The following TBXAS1 variants were observed in gnomAD, a reference collection of about 807,000 sequenced individuals.
TBXAS1 encodes the protein thromboxane A synthase 1, also known as thromboxane-A synthase.
TBXAS1 carries 48 observed loss-of-function variants against 60.7 expected under a neutral mutation model. The observed-to-expected ratio is 0.79, with a 90% confidence interval of 0.63 to 1.01. TBXAS1 has a LOEUF of 1.01. TBXAS1 is among the 50% of genes least tolerant of loss of function. TBXAS1 has a pLI of 0.00. For synonymous variants in TBXAS1, 287 were observed against 269.7 expected (o/e 1.06, Z -0.63); for missense variants, 685 against 686.3 (o/e 1.00, Z 0.02).
intron 9 of TBXAS1, among the ~76,000 whole-genome samples, chr7:139,968,841 A>G (rs1810985675): frequency 1.3e-5 from 2 of 152,212 alleles, no homozygotes; most frequent in Non-Finnish European, 2.9e-5. Context: ...ATGGGTGGGA[A>G]AAGGTTTGTA....
At chr7:139,844,128 C>T (rs1799645901) in intron 1 of TBXAS1, among the ~76,000 whole-genome samples, 1 of 152,134 alleles carries the variant, frequency 6.6e-6, no homozygotes, top group Non-Finnish European at 1.5e-5. Context: ...TGATGGAATG[C>T]AGGACCCAGC....
chr7:139,957,428 G>A (rs1489999992), intron 7 of TBXAS1, among the ~76,000 whole-genome samples: 3 of 152,124 alleles, frequency 2.0e-5, no homozygotes, highest in African/African-American at 7.2e-5. Flanking sequence ...TTTATTGAGT[G>A]CTTACTATGT....
chr7:140,008,260 CG>C (rs1313122541), intron 10 of TBXAS1, among the ~76,000 whole-genome samples: 1 of 152,062 alleles, frequency 6.6e-6, no homozygotes, highest in Non-Finnish European at 1.5e-5. Flanking sequence ...CAGAAAATTC[CG>C]GTGGCGTGAT....
At chr7:139,976,931 GT>G (rs1469784729) in intron 9 of TBXAS1, among the ~76,000 whole-genome samples, 1 of 152,148 alleles carries the variant, frequency 6.6e-6, no homozygotes, top group Admixed American at 6.5e-5. Context: ...GAAGTCGTGG[GT>G]TTTCCGTGAT....
intron 4 of TBXAS1, among the ~76,000 whole-genome samples, chr7:139,789,867 G>A (rs1797325915): frequency 6.6e-6 from 1 of 152,140 alleles, no homozygotes; most frequent in Non-Finnish European, 1.5e-5. Context: ...CTGACCTCAA[G>A]TGATCTCCCC....
chr7:140,015,894 G>C (rs376024621), intron 11 of TBXAS1, 34 bp downstream of exon 11: 1 of 1,612,642 alleles, frequency 6.2e-7, no homozygotes, highest in Non-Finnish European at 8.5e-7. Context: ...GCTCTGAAGG[G>C]ATGTGAGTGT....
chr7:139,891,932 C>A (rs6464435), intron 3 of TBXAS1, among the ~76,000 whole-genome samples: 57,770 of 152,008 alleles, frequency 0.38, 11,466 homozygotes, highest in South Asian at 0.49. Context: ...GGAGTTTATA[C>A]TCTTTCCCCA....
chr7:139,801,868 A>G (rs1159555693), intron 4 of TBXAS1, among the ~76,000 whole-genome samples: 1 of 152,084 alleles, frequency 6.6e-6, no homozygotes, highest in Non-Finnish European at 1.5e-5. Flanking sequence ...GGTTCAAGCG[A>G]TTCTTCTGCC....
intron 3 of TBXAS1, among the ~76,000 whole-genome samples, chr7:139,901,646 A>C (rs1490342235): frequency 1.3e-5 from 2 of 152,026 alleles, no homozygotes; most frequent in East Asian, 3.9e-4. Flanking sequence ...GCTTGTTAAA[A>C]TAGGAGGTGC....
rs112435618 is a variant in TBXAS1, at chr7:139,895,176, C to T, written c.237-16049C>T. ...GGGGAGGTGAGGGCAAAGAATGTTC[C>T]ACTCAGTAAAAACAGCCAGAGAAAA... is the stretch of plus-strand genomic sequence containing the variant. On this transcript the variant is annotated intron_variant, in intron 3 of 12. Transcript: ENST00000448866. Among the ~76,000 whole-genome samples the T allele has an allele frequency of 9.9e-3, 1,512 of 152,222 alleles. 17 individuals are homozygous for T. Among genetic ancestry groups the T allele is most frequent in the South Asian group, 0.028 (135 of 4,816 alleles).
At chr7:139,950,683 C>T (rs909151729) in intron 5 of TBXAS1, among the ~76,000 whole-genome samples, 4 of 127,476 alleles carry the variant, frequency 3.1e-5, no homozygotes, top group Admixed American at 7.7e-5. Flanking sequence ...CTACGGGACC[C>T]CCTCGCCCTC....
At chr7:139,819,868 G>A (rs984115638) in intron 4 of TBXAS1, among the ~76,000 whole-genome samples, 7 of 151,796 alleles carry the variant, frequency 4.6e-5, no homozygotes, top group Admixed American at 3.9e-4. Context: ...ACCACCTGCT[G>A]ACATATTTCC....
intron 3 of TBXAS1, among the ~76,000 whole-genome samples, chr7:139,786,901 G>C (rs1797218840): frequency 6.6e-6 from 1 of 152,190 alleles, no homozygotes; most frequent in Non-Finnish European, 1.5e-5. Flanking sequence ...TGCTTTAGGT[G>C]GGATCAATTA....
chr7:139,951,116 A>G (rs1413106540), intron 5 of TBXAS1, among the ~76,000 whole-genome samples: 1 of 152,198 alleles, frequency 6.6e-6, no homozygotes, highest in Non-Finnish European at 1.5e-5. Context: ...TTCTGCTCAG[A>G]ACACACGGCA....
intron 4 of TBXAS1, among the ~76,000 whole-genome samples, chr7:139,809,416 TAGATAG>T (rs927450362): frequency 7.2e-5 from 11 of 151,792 alleles, no homozygotes; most frequent in East Asian, 5.8e-4. Flanking sequence ...AGATGATAGG[TAGATAG>T]AGATAGAGAG....
chr7:140,009,769 TGCC>T, intron 10 of TBXAS1, among the ~76,000 whole-genome samples: 1 of 92,922 alleles, frequency 1.1e-5, no homozygotes, highest in Non-Finnish European at 2.1e-5. Context: ...GCCCCACACC[TGCC>T]CCACACCCGC....
At chr7:139,861,645 C>T (rs1312945786) in intron 1 of TBXAS1, among the ~76,000 whole-genome samples, 1 of 152,108 alleles carries the variant, frequency 6.6e-6, no homozygotes, top group Non-Finnish European at 1.5e-5. Flanking sequence ...GCTGAAGTAC[C>T]AAACATGGTA....
At chr7:139,843,606 G>A (rs888329914) in intron 1 of TBXAS1, among the ~76,000 whole-genome samples, 1 of 152,200 alleles carries the variant, frequency 6.6e-6, no homozygotes, top group Non-Finnish European at 1.5e-5. Flanking sequence ...GCCTCACAAA[G>A]TGCTGGGATT....
At chr7:139,884,393 A>G (rs1395909676) in intron 3 of TBXAS1, among the ~76,000 whole-genome samples, 1 of 152,250 alleles carries the variant, frequency 6.6e-6, no homozygotes, top group Non-Finnish European at 1.5e-5. Context: ...GGGTGTAAAT[A>G]TCTAAGTAAT....
Sources: allele counts gnomAD v4.1 joint callset (sites outside exome capture counted in the v4.1 genomes callset), GRCh38; gene constraint gnomAD v4.1.1; transcripts MANE v1.5; gene names NCBI Gene and HGNC (gene_info 2026-07-23, HGNC 2026-07-21).